Variants in CD163L1 observed in about 807,000 individuals in gnomAD.
CD163L1 encodes CD163 molecule like 1.
A neutral mutation model predicts 165.4 loss-of-function variants in CD163L1; 124 were observed. That is an observed-to-expected ratio of 0.75 (90% CI 0.65 to 0.87). The LOEUF is 0.87. Ranked by LOEUF, CD163L1 falls within the 40% of genes least tolerant of loss-of-function variation. The probability of loss-of-function intolerance (pLI) is 0.00; values close to 1 mark genes in which losing one functional copy is unlikely to be tolerated. For missense variants in CD163L1, 1,525 were observed against 1,799.9 expected, an observed-to-expected ratio of 0.85 and a Z score of 2.76; for synonymous variants, 585 against 662.2, an observed-to-expected ratio of 0.88 and a Z score of 1.79.
At chr12:7,330,299 A>G in the CD163L1 span, among the ~76,000 whole-genome samples, 11 of 152,210 alleles carry the variant, frequency 7.2e-5, no homozygotes, top group East Asian at 1.3e-3. Context: ...CTGTGTGGGA[A>G]GCCTAACATT....
rs1385047657 is a variant in CD163L1 at position 7,421,624 on chromosome 12, T to TATATAC, written c.766+10786_766+10791dup. On this transcript the variant is annotated intron_variant, in intron 4 of 19. Coordinates refer to ENST00000313599, the MANE Select transcript of CD163L1 (RefSeq NM_174941.6). ...ATGTACACATATACATATATGTACA[T>TATATAC]ATATACATATATGTACACATATACA... 5.2e-3 allele frequency among the ~76,000 whole-genome samples: 18 copies of TATATAC among 3,458 alleles called. 3 individuals carry two copies. Among genetic ancestry groups the TATATAC allele is most frequent in the Non-Finnish European group, 3.4e-3 (4 of 1,184 alleles). 2.3% of individuals were successfully genotyped at this position (3,458 alleles called of 152,430 possible).
chr12:7,407,755 A>ATG, intron 4 of CD163L1, among the ~76,000 whole-genome samples: 1 of 150,602 alleles, frequency 6.6e-6, no homozygotes, highest in Non-Finnish European at 1.5e-5. Context: ...ACTTGAAGAT[A>ATG]TGTGTATATA....
At chr12:7,434,706 AAGAGAG>A (rs10537937) in intron 2 of CD163L1, among the ~76,000 whole-genome samples, 1 of 151,838 alleles carries the variant, frequency 6.6e-6, no homozygotes, top group Non-Finnish European at 1.5e-5. Context: ...AAGAGACAGA[AAGAGAG>A]AGAGACAGAC....
At chr12:7,421,077 A>ATATATACGTATATATATGTATATATACG (rs1565808970) in intron 4 of CD163L1, among the ~76,000 whole-genome samples, 8 of 103,090 alleles carry the variant, frequency 7.8e-5, no homozygotes, top group African/African-American at 3.5e-4. Context: ...ATATATACGT[A>ATATATACGTATATATATGTATATATACG]TATATATACG....
At chr12:7,357,872 G>A (rs1005328240) in intron 18 of CD163L1, among the ~76,000 whole-genome samples, 3 of 152,030 alleles carry the variant, frequency 2.0e-5, no homozygotes, top group Non-Finnish European at 4.4e-5. Context: ...ATTTTTGGCA[G>A]GATTGAGAGA....
rs377326548 is a variant in CD163L1, at chr12:7,422,112, C to T, written c.766+10304G>A. Among the ~76,000 whole-genome samples, 44 of 152,154 alleles carry T rather than the reference C, an allele frequency of 2.9e-4. No homozygotes were observed. The South Asian group carries it at 8.7e-3, about 30-fold the overall frequency. On this transcript the variant is annotated intron_variant, in intron 4 of 19. Transcript: ENST00000313599. ...GGAAAGAGCAGGCAGCAATATTTGC[C>T]GTTCTGCACACTCCGCTGGTGATAA...
In CD163L1 at chr12:7,398,183, C is replaced by T; in HGVS notation, c.1729+81G>A. On this transcript the variant is annotated intron_variant, in intron 7 of 19. Transcript: ENST00000313599. The surrounding 1 kb of genome is among the most constrained non-coding windows in gnomAD (Gnocchi z 4.5). ...CCCTCAATCAATTCCCACATGTAAG[C>T]CAGTTTATAGACCCAGAAGCCCTTC... 2.3e-6 allele frequency: 3 copies of T among 1,295,666 alleles called. No homozygotes were observed. Among genetic ancestry groups the T allele is most frequent in the Non-Finnish European group, 3.2e-6 (3 of 933,404 alleles). The allele number at this position is 1,295,666 out of a possible 1,614,324, so 80.3% of individuals were successfully genotyped here. A position where few individuals can be genotyped will look rare whatever the true frequency, so the allele number is the denominator to read the frequency against.
At chr12:7,392,933 G>A (rs755217322) in intron 8 of CD163L1, among the ~76,000 whole-genome samples, 12 of 152,044 alleles carry the variant, frequency 7.9e-5, no homozygotes, top group Non-Finnish European at 1.8e-4. Context: ...ATAATTAATA[G>A]CCTACCAACC....
chr12:7,355,039 T>C lies in CD163L1; in HGVS notation c.*116A>G, dbSNP rs973186331. ...AGCTGTTCTCCTATTGTTCAAGAAA[T>C]GTTATTTGGACAAGTTTTCCATAGG... On this transcript the variant is annotated 3_prime_UTR_variant, in exon 20 of 20. Coordinates refer to ENST00000313599, the MANE Select transcript of CD163L1 (RefSeq NM_174941.6). The C allele has an allele frequency of 5.3e-5, 8 of 152,186 alleles. No homozygotes were observed. Among genetic ancestry groups the C allele is most frequent in the Non-Finnish European group, 1.0e-4 (7 of 68,014 alleles). The allele number at this position is 152,186 out of a possible 1,614,324, so 9.4% of individuals were successfully genotyped here. A position where few individuals can be genotyped will look rare whatever the true frequency, so the allele number is the denominator to read the frequency against.
At chr12:7,328,168 AG>A in the CD163L1 span, 1 of 688,390 alleles carries the variant, frequency 1.5e-6, no homozygotes, top group South Asian at 1.9e-5. Flanking sequence ...CAATGAGCTT[AG>A]GCTAAGATAA....
intron 4 of CD163L1, among the ~76,000 whole-genome samples, chr12:7,421,566 CAT>C (rs1329407240): frequency 6.3e-5 from 8 of 127,258 alleles, no homozygotes; most frequent in East Asian, 4.4e-4. Flanking sequence ...CATATATGTA[CAT>C]ATATACATGT....
chr12:7,386,613 A>G (rs2136464108), intron 8 of CD163L1, among the ~76,000 whole-genome samples: 1 of 151,952 alleles, frequency 6.6e-6, no homozygotes, highest in African/African-American at 2.4e-5. Flanking sequence ...TCAAAAAAAA[A>G]AAAAAAAACA....
intron 4 of CD163L1, among the ~76,000 whole-genome samples, chr12:7,349,582 G>C (rs1367211757): frequency 6.6e-6 from 1 of 152,170 alleles, no homozygotes; most frequent in Admixed American, 6.5e-5. Flanking sequence ...AGAATGAAAA[G>C]ATGTATAAGG....
the CD163L1 span, among the ~76,000 whole-genome samples, chr12:7,325,907 G>A: frequency 0.091 from 13,860 of 152,184 alleles, 732 homozygotes; most frequent in East Asian, 0.16. Context: ...TAGTGACACT[G>A]TGGATCCCAT....
chr12:7,375,231 C>A, intron 11 of CD163L1, 50 bp downstream of exon 11: 1 of 1,575,384 alleles, frequency 6.3e-7, no homozygotes, highest in South Asian at 1.2e-5. Context: ...CTCCCTCTAC[C>A]ATGTCTGGGC....
chr12:7,368,255 A>T lies in CD163L1; in HGVS notation c.4073-58T>A. 2.1e-6 allele frequency: 2 copies of T among 959,352 alleles called. No individual in the cohort carries two copies. Among genetic ancestry groups the T allele is most frequent in the African/African-American group, 1.7e-5 (1 of 59,932 alleles). 59.4% of individuals were successfully genotyped at this position (959,352 alleles called of 1,614,324 possible). The stretch of plus-strand genomic sequence containing the variant: ...ACTAGTAGATATCAATTGTGGGTTT[A>T]TACATTGTAAAAAAAACTGGTTCCC... On this transcript the variant is annotated intron_variant, in intron 16 of 19. Transcript: ENST00000313599. This position sits in a 1 kb window ranked among gnomAD's most constrained non-coding sequence, Gnocchi z 4.3.
the CD163L1 span, among the ~76,000 whole-genome samples, chr12:7,338,687 C>T: frequency 6.6e-6 from 1 of 152,082 alleles, no homozygotes; most frequent in African/African-American, 2.4e-5. Flanking sequence ...CTCAATAGAC[C>T]TGTGGTGGAA....
At chr12:7,436,496 A>T (rs368724311) in intron 2 of CD163L1, among the ~76,000 whole-genome samples, 5 of 152,322 alleles carry the variant, frequency 3.3e-5, no homozygotes, top group Admixed American at 2.6e-4. Context: ...TTTAGCCCAG[A>T]TGCCATGGCT....
chr12:7,356,393 T>C (rs1479724936), intron 19 of CD163L1, among the ~76,000 whole-genome samples: 1 of 152,096 alleles, frequency 6.6e-6, no homozygotes, highest in Non-Finnish European at 1.5e-5. Flanking sequence ...ATTATGGTAA[T>C]AATATATTTT....
Sources: allele counts gnomAD v4.1 joint callset (sites outside exome capture counted in the v4.1 genomes callset), GRCh38; gene constraint gnomAD v4.1.1; non-coding constraint Gnocchi (gnomAD v3.1); transcripts MANE v1.5; gene names NCBI Gene and HGNC (gene_info 2026-07-23, HGNC 2026-07-21).